The following NEK7 variants were observed in gnomAD, a reference collection of about 807,000 sequenced individuals.
The protein encoded by NEK7 is NIMA related kinase 7.
In NEK7, 18 loss-of-function variants were observed where a neutral mutation model predicts 44.6. The observed-to-expected ratio is 0.40, with a 90% CI of 0.28 to 0.60. The LOEUF is 0.60. Ranked by LOEUF, NEK7 falls within the 20% of genes least tolerant of loss-of-function variation. The probability of loss-of-function intolerance (pLI) is 0.38; values close to 1 mark genes in which losing one functional copy is unlikely to be tolerated. For missense variants in NEK7, 256 were observed against 366.5 expected (o/e 0.70, Z 2.46); for synonymous variants, 130 against 121.1 (o/e 1.07, Z -0.48).
At chr1:198,318,648 A>G (rs1337231336) in intron 9 of NEK7, among the ~76,000 whole-genome samples, 1 of 152,166 alleles carries the variant, frequency 6.6e-6, no homozygotes, top group African/African-American at 2.4e-5. Context: ...TGTTATGATG[A>G]CACATAGTTT....
intron 1 of NEK7, among the ~76,000 whole-genome samples, chr1:198,185,337 T>A (rs1350069127): frequency 6.6e-6 from 1 of 151,890 alleles, no homozygotes; most frequent in Non-Finnish European, 1.5e-5. Flanking sequence ...AGAAGTGTTT[T>A]CAATGATTGG....
chr1:198,281,160 A>G (rs1654185821), intron 7 of NEK7, among the ~76,000 whole-genome samples: 1 of 152,000 alleles, frequency 6.6e-6, no homozygotes, highest in African/African-American at 2.4e-5. Flanking sequence ...CTGCTAACAT[A>G]CAATATGTAT....
chr1:198,191,792 A>G (rs1665080264), intron 1 of NEK7, among the ~76,000 whole-genome samples: 2 of 152,056 alleles, frequency 1.3e-5, no homozygotes, highest in South Asian at 4.1e-4. Context: ...GTATAGTACA[A>G]GGTGGTAATC....
chr1:198,276,946 A>G (rs1181534973), intron 5 of NEK7, among the ~76,000 whole-genome samples: 1 of 151,700 alleles, frequency 6.6e-6, no homozygotes, highest in Non-Finnish European at 1.5e-5. Context: ...TCCATATTCA[A>G]TAACAAAAAA....
At chr1:198,163,161 C>T (rs1203468843) in intron 1 of NEK7, among the ~76,000 whole-genome samples, 3 of 151,988 alleles carry the variant, frequency 2.0e-5, no homozygotes, top group Non-Finnish European at 4.4e-5. Flanking sequence ...AATTCCTAAT[C>T]TTGTATTGCC....
chr1:198,172,313 ACTTT>A (rs748346252), intron 1 of NEK7, among the ~76,000 whole-genome samples: 4 of 152,122 alleles, frequency 2.6e-5, no homozygotes, highest in Non-Finnish European at 5.9e-5. Context: ...TAGAAACTTA[ACTTT>A]CTTGCAGACT....
At chr1:198,278,467 T>C (rs751464620) in intron 6 of NEK7, among the ~76,000 whole-genome samples, 3 of 149,846 alleles carry the variant, frequency 2.0e-5, no homozygotes, top group Admixed American at 6.6e-5. Flanking sequence ...CAATAAGTAA[T>C]TGATCCGCTG....
chr1:198,299,611 T>G (rs927587607), intron 9 of NEK7, among the ~76,000 whole-genome samples: 6 of 152,168 alleles, frequency 3.9e-5, no homozygotes, highest in African/African-American at 1.4e-4. Flanking sequence ...TGTAACTATT[T>G]GAAAAATAAA....
chr1:198,309,824 A>T (rs1294518723), intron 9 of NEK7, among the ~76,000 whole-genome samples: 6 of 152,056 alleles, frequency 3.9e-5, no homozygotes, highest in Admixed American at 1.3e-4. Flanking sequence ...GTGCCACATT[A>T]TCTTAATCCA....
rs781671126 is a variant in NEK7, at chr1:198,232,610, G to C, written c.30G>C (p.Gly10=). 1 of 1,606,236 alleles carries C rather than the reference G, an allele frequency of 6.2e-7. No homozygotes were observed. Among genetic ancestry groups the C allele is most frequent in the Non-Finnish European group, 8.5e-7 (1 of 1,173,158 alleles). Residue 10 remains glycine, a synonymous_variant, in exon 2 of 10, where the codon GGG becomes GGC. Coordinates refer to ENST00000367385, the MANE Select transcript of NEK7 (RefSeq NM_133494.3). ...ATGAGCAATCACAAGGAATGCAAGGGCCACCTGTTCCTCAGTTCCAACCAC... is the reference window on the plus strand; with the variant it reads ...ATGAGCAATCACAAGGAATGCAAGGCCCACCTGTTCCTCAGTTCCAACCAC... MDEQSQGMQ[G]PPVPQFQPQK... is the part of the protein sequence containing the mutation.
chr1:198,225,255 C>CAAAAA (rs34192199), intron 1 of NEK7, among the ~76,000 whole-genome samples: 8,252 of 132,914 alleles, frequency 0.062, 299 homozygotes, highest in Middle Eastern at 0.091. Context: ...GTGTAGGTTA[C>CAAAAA]AAAAAAAAAA....
At chr1:198,319,355 TA>T in intron 9 of NEK7, 56 bp from the exon 10 acceptor site, 1 of 1,241,648 alleles carries the variant, frequency 8.1e-7, no homozygotes. Context: ...TTCCTCTCAG[TA>T]AACTAACCAA....
intron 5 of NEK7, among the ~76,000 whole-genome samples, chr1:198,270,682 C>T (rs1653808397): frequency 6.6e-6 from 1 of 151,978 alleles, no homozygotes; most frequent in Non-Finnish European, 1.5e-5. Flanking sequence ...TTGCTAGGAG[C>T]CTTAAAACTC....
At chr1:198,209,153 CTTTTT>C (rs11389228) in intron 1 of NEK7, among the ~76,000 whole-genome samples, 1 of 137,304 alleles carries the variant, frequency 7.3e-6, no homozygotes, top group African/African-American at 2.7e-5. Context: ...TATATATATA[CTTTTT>C]TTTTTTTTTT....
At chr1:198,176,911 G>T (rs941469366) in intron 1 of NEK7, among the ~76,000 whole-genome samples, 6 of 152,060 alleles carry the variant, frequency 3.9e-5, no homozygotes, top group African/African-American at 1.2e-4. Flanking sequence ...TTAGGTTTAG[G>T]ATATTAGGCA....
chr1:198,205,664 ATT>A (rs561655968), intron 1 of NEK7, among the ~76,000 whole-genome samples: 1 of 144,740 alleles, frequency 6.9e-6, no homozygotes. Context: ...CTGCACTCAC[ATT>A]TTTTTTTTTT....
intron 1 of NEK7, among the ~76,000 whole-genome samples, chr1:198,187,943 G>T (rs947856722): frequency 6.6e-6 from 1 of 152,200 alleles, no homozygotes; most frequent in Non-Finnish European, 1.5e-5. Flanking sequence ...GAGGGGGATT[G>T]ATTTCCATGG....
chr1:198,199,427 C>T (rs1460911283), intron 1 of NEK7, among the ~76,000 whole-genome samples: 1 of 152,196 alleles, frequency 6.6e-6, no homozygotes, highest in East Asian at 1.9e-4. Context: ...CCATAGTATC[C>T]ACTGCAGAAG....
chr1:198,299,850 T>C (rs2103017848), intron 9 of NEK7, among the ~76,000 whole-genome samples: 1 of 152,312 alleles, frequency 6.6e-6, no homozygotes, highest in African/African-American at 2.4e-5. Flanking sequence ...GTTTAAAAGC[T>C]TGGGATTTTT....
Sources: gnomAD v4.1 joint callset for allele counts (sites outside exome capture counted in the v4.1 genomes callset) on GRCh38, gnomAD v4.1.1 for gene constraint, MANE v1.5 for transcripts, NCBI Gene and HGNC (gene_info 2026-07-23, HGNC 2026-07-21) for gene names.